TAAR5: variants seen among roughly 807,000 people sequenced by gnomAD.
TAAR5 encodes the protein trace amine associated receptor 5, also known as trace amine-associated receptor 5.
TAAR5 carries 27 observed loss-of-function variants against 21.1 expected under a neutral mutation model. That is an observed-to-expected ratio of 1.28 (90% confidence interval 0.94 to 1.76). TAAR5 has a LOEUF of 1.76. Among genes scored for constraint, TAAR5 ranks in the 40% most tolerant of loss-of-function variants. TAAR5 has a pLI of 0.00. For missense variants in TAAR5, 495 were observed against 405.6 expected, an observed-to-expected ratio of 1.22 and a Z score of -1.89; for synonymous variants, 203 against 167.5, an observed-to-expected ratio of 1.21 and a Z score of -1.64.
chr6:132,616,123 A>C, the TAAR5 span, among the ~76,000 whole-genome samples: 2 of 152,178 alleles, frequency 1.3e-5, no homozygotes, highest in African/African-American at 4.8e-5. Flanking sequence ...AAAATCACTC[A>C]TAAGGAAAGA....
At chr6:132,608,110 T>C in the TAAR5 span, 8 of 348,874 alleles carry the variant, frequency 2.3e-5, no homozygotes, top group South Asian at 1.3e-4. Context: ...GTGTAGGTGA[T>C]AGAACACTTA....
the TAAR5 span, among the ~76,000 whole-genome samples, chr6:132,614,307 T>A: frequency 6.6e-6 from 1 of 152,360 alleles, no homozygotes; most frequent in South Asian, 2.1e-4. Context: ...ATAGTTCTTG[T>A]ACTTTGCAAA....
the TAAR5 span, among the ~76,000 whole-genome samples, chr6:132,616,153 A>G: frequency 6.3e-3 from 963 of 152,298 alleles, 9 homozygotes; most frequent in Middle Eastern, 0.01. Flanking sequence ...TGTATATACC[A>G]TGGAAATCAT....
At chr6:132,605,112 T>G in the TAAR5 span, among the ~76,000 whole-genome samples, 10 of 152,342 alleles carry the variant, frequency 6.6e-5, 1 homozygote, top group South Asian at 1.9e-3. Flanking sequence ...TCTGAAACCC[T>G]GAGAGGGAGA....
At chr6:132,592,071 A>C (rs1004097954), upstream of TAAR5, among the ~76,000 whole-genome samples, 1 of 152,234 alleles carries the variant, frequency 6.6e-6, no homozygotes, top group African/African-American at 2.4e-5. Context: ...ATTCCATTAC[A>C]TAACAATCAC....
chr6:132,592,803 CTTCTTATTTATAAG>C (rs1408163186), upstream of TAAR5, among the ~76,000 whole-genome samples: 18 of 152,272 alleles, frequency 1.2e-4, no homozygotes, highest in Non-Finnish European at 1.8e-4. Flanking sequence ...AGCCAGTTAA[CTTCTTATTTATAAG>C]TTCTTATTTA....
At chr6:132,611,361 T>C in the TAAR5 span, among the ~76,000 whole-genome samples, 1 of 152,208 alleles carries the variant, frequency 6.6e-6, no homozygotes, top group East Asian at 1.9e-4. Context: ...TATGATCTAG[T>C]ATTAAGTAGC....
At chr6:132,592,952 AC>A (rs34848176), upstream of TAAR5, among the ~76,000 whole-genome samples, 3 of 152,184 alleles carry the variant, frequency 2.0e-5, no homozygotes. Context: ...AACAGTAGCT[AC>A]CCAGGGGCAA....
At position 132,589,366 on chromosome 6, in the gene TAAR5, G is replaced by A; in HGVS notation, c.321C>T (p.Cys107=). 1 of 1,614,080 alleles carries A rather than the reference G, an allele frequency of 6.2e-7. No individual in the cohort carries two copies. Among genetic ancestry groups the A allele is most frequent in the Non-Finnish European group, 8.5e-7 (1 of 1,179,982 alleles). Reference sequence around the variant, plus strand: ...GGGTGTCCAGGTAGGTGTGCAGGCGGCAGAGGAAGTCCCCGAAGAACCAGC... The same window carrying A: ...GGGTGTCCAGGTAGGTGTGCAGGCGACAGAGGAAGTCCCCGAAGAACCAGC... ...ESCWFFGDFL[C]RLHTYLDTLF... is the part of the protein sequence containing the mutation. Residue 107 remains cysteine (C), a synonymous_variant, in exon 1 of 1, where the codon TGC becomes TGT. Coordinates refer to ENST00000258034, the MANE Select transcript of TAAR5 (RefSeq NM_003967.3).
At chr6:132,600,284 T>A in the TAAR5 span, among the ~76,000 whole-genome samples, 3 of 80,556 alleles carry the variant, frequency 3.7e-5, no homozygotes, top group Admixed American at 3.1e-4. Flanking sequence ...TTGACAATAA[T>A]GTAAAACATT....
At chr6:132,611,587 T>C in the TAAR5 span, among the ~76,000 whole-genome samples, 3 of 152,188 alleles carry the variant, frequency 2.0e-5, no homozygotes, top group African/African-American at 7.2e-5. Flanking sequence ...ATAGTAATTT[T>C]AAAAATTTTT....
the TAAR5 span, among the ~76,000 whole-genome samples, chr6:132,605,368 AC>A: frequency 7.8e-4 from 119 of 152,354 alleles, no homozygotes; most frequent in Non-Finnish European, 1.4e-3. Flanking sequence ...CTCAATGTCT[AC>A]CTTAATGAAT....
upstream of TAAR5, among the ~76,000 whole-genome samples, chr6:132,590,315 A>G (rs978073330): frequency 9.9e-5 from 15 of 152,210 alleles, no homozygotes; most frequent in African/African-American, 3.4e-4. Context: ...AGAGTAGAAA[A>G]TTGCTCTATT....
At chr6:132,603,572 A>G in the TAAR5 span, among the ~76,000 whole-genome samples, 2 of 151,838 alleles carry the variant, frequency 1.3e-5, no homozygotes, top group Non-Finnish European at 2.9e-5. Context: ...TATATTTGTC[A>G]TTTATAATAT....
At chr6:132,599,403 G>A in the TAAR5 span, among the ~76,000 whole-genome samples, 2 of 137,726 alleles carry the variant, frequency 1.5e-5, no homozygotes, top group African/African-American at 5.5e-5. Flanking sequence ...ATCTTGGCTT[G>A]CTGCAACCTT....
chr6:132,601,097 GAAGGAGGGAAGAAGGGAAGGA>G, the TAAR5 span, among the ~76,000 whole-genome samples: 1 of 142,400 alleles, frequency 7.0e-6, no homozygotes, highest in African/African-American at 2.6e-5. Flanking sequence ...AGGAGGGAGG[GAAGGAGGGAAGAAGGGAAGGA>G]GGGAAGGAGG....
the TAAR5 span, among the ~76,000 whole-genome samples, chr6:132,597,984 C>T: frequency 7.2e-5 from 11 of 152,058 alleles, no homozygotes; most frequent in Admixed American, 5.2e-4. Flanking sequence ...TGTTAGTGTA[C>T]ACATATTTCC....
upstream of TAAR5, among the ~76,000 whole-genome samples, chr6:132,590,123 A>G (rs770738438): frequency 3.3e-5 from 5 of 152,202 alleles, no homozygotes; most frequent in Admixed American, 2.0e-4. Flanking sequence ...TTTAAAGCAA[A>G]GATCTGAACC....
the TAAR5 span, among the ~76,000 whole-genome samples, chr6:132,613,576 T>A: frequency 6.6e-6 from 1 of 152,242 alleles, no homozygotes; most frequent in South Asian, 2.1e-4. Context: ...GTTTTAGTTT[T>A]AAGCACTGAC....
Sources: allele counts gnomAD v4.1 joint callset (sites outside exome capture counted in the v4.1 genomes callset), GRCh38; gene constraint gnomAD v4.1.1; transcripts MANE v1.5; gene names NCBI Gene and HGNC (gene_info 2026-07-23, HGNC 2026-07-21).